Variants in CBL observed in about 807,000 individuals in gnomAD.
CBL encodes E3 ubiquitin-protein ligase CBL.
A neutral mutation model predicts 96.9 loss-of-function variants in CBL; 45 were observed. The ratio of observed to expected loss-of-function variants is 0.46; its 90% CI spans 0.37 to 0.60. The LOEUF (loss-of-function observed/expected upper bound fraction) is 0.60. Among genes scored for constraint, CBL ranks in the 20% least tolerant of loss-of-function variants. The pLI is 0.00. For synonymous variants in CBL, 420 were observed against 426.8 expected, an observed-to-expected ratio of 0.98 and a Z score of 0.20; for missense variants, 1,024 against 1,143.5, an observed-to-expected ratio of 0.90 and a Z score of 1.51.
rs564164317 is a variant in CBL, at chr11:119,296,443, T to C, written c.2037-475T>C. On this transcript the variant is annotated intron_variant, in intron 12 of 15. Transcript: ENST00000264033. ...ATCTAGCCTCAGAATTTACGCTAAC[T>C]GCGGTCGCTTTATCTCTCTCTATTT... Among the ~76,000 whole-genome samples the C allele has an allele frequency of 4.6e-5, 7 of 152,342 alleles. No homozygotes were observed. In the South Asian group the frequency reaches 1.2e-3, roughly 27 times the overall value.
intron 2 of CBL, among the ~76,000 whole-genome samples, chr11:119,233,565 T>C (rs1269946938): frequency 6.6e-6 from 1 of 152,176 alleles, no homozygotes; most frequent in East Asian, 1.9e-4. Flanking sequence ...CCAGAAACTA[T>C]AGGCTATCCT....
intron 2 of CBL, among the ~76,000 whole-genome samples, chr11:119,251,300 G>A (rs1034304033): frequency 6.6e-6 from 1 of 152,090 alleles, no homozygotes; most frequent in East Asian, 1.9e-4. Context: ...TGTGGACACC[G>A]AGGCTCAGAG....
intron 2 of CBL, among the ~76,000 whole-genome samples, chr11:119,267,258 A>G (rs1346676191): frequency 6.6e-6 from 1 of 152,052 alleles, no homozygotes; most frequent in African/African-American, 2.4e-5. Context: ...TCTTAAATTG[A>G]TTTCCCGTAA....
Position 119,276,096 on chromosome 11 carries a change from T to C in CBL, c.969T>C (p.Pro323=). The change falls in exon 6 of 16, where the codon CCT becomes CCC. Residue 323 remains proline, a synonymous_variant. Transcript: ENST00000264033. Reference sequence around the variant, plus strand: ...TCCAGACAATCCCTCACAATAAACCTCTCTTCCAAGCACTGATTGATGGCT... The same window carrying C: ...TCCAGACAATCCCTCACAATAAACCCCTCTTCCAAGCACTGATTGATGGCT... The part of the protein sequence containing the change: ...NILQTIPHNK[P]LFQALIDGFR... The C allele has an allele frequency of 6.2e-7, 1 of 1,614,000 alleles. No individual in the cohort carries two copies. Among genetic ancestry groups the C allele is most frequent in the Non-Finnish European group, 8.5e-7 (1 of 1,179,936 alleles).
At chr11:119,210,578 G>C (rs1032781688) in intron 1 of CBL, among the ~76,000 whole-genome samples, 54 of 148,384 alleles carry the variant, frequency 3.6e-4, no homozygotes, top group Middle Eastern at 3.5e-3. Context: ...ATAGGCATGC[G>C]CCACCACACC....
intron 2 of CBL, among the ~76,000 whole-genome samples, chr11:119,250,984 A>AT (rs1949665931): frequency 1.3e-5 from 2 of 152,036 alleles, no homozygotes; most frequent in African/African-American, 4.8e-5. Flanking sequence ...ATTTTGTCTA[A>AT]TTTTTTTAGT....
In CBL at chr11:119,274,893, C is replaced by CT; in HGVS notation, c.815dup (p.Leu272PhefsTer4). On this transcript the variant is annotated frameshift_variant, in exon 5 of 16. Coordinates refer to ENST00000264033, the MANE Select transcript of CBL (RefSeq NM_005188.4). LOFTEE classifies it high-confidence loss of function. Reference sequence around the variant, plus strand: ...GCTGTAACTCATCCTGGCTACATGGCTTTTTTGACGTATGACGAAGTGAAA... The same window carrying CT: ...GCTGTAACTCATCCTGGCTACATGGCTTTTTTTGACGTATGACGAAGTGAAA... The CT allele has an allele frequency of 6.2e-7, 1 of 1,613,990 alleles. No homozygotes were observed. The highest frequency in any genetic ancestry group is 8.5e-7 in the Non-Finnish European group (1 of 1,179,912).
intron 14 of CBL, 27 bp from the exon 15 acceptor site, chr11:119,298,331 A>AAG: frequency 1.2e-6 from 2 of 1,605,940 alleles, no homozygotes; most frequent in African/African-American, 1.3e-5. Context: ...GCGTCAGAAG[A>AAG]AGATAACATC....
At chr11:119,286,270 G>T (rs1395882985) in intron 11 of CBL, among the ~76,000 whole-genome samples, 2 of 152,132 alleles carry the variant, frequency 1.3e-5, no homozygotes, top group African/African-American at 4.8e-5. Flanking sequence ...TTGCACTCCA[G>T]CCTGGGCAAC....
chr11:119,224,189 C>T (rs1234589003), intron 1 of CBL, among the ~76,000 whole-genome samples: 1 of 152,138 alleles, frequency 6.6e-6, no homozygotes, highest in Non-Finnish European at 1.5e-5. Context: ...AATACTAATT[C>T]ATGAAATGTT....
At chr11:119,265,551 G>T (rs1227509176) in intron 2 of CBL, among the ~76,000 whole-genome samples, 1 of 152,128 alleles carries the variant, frequency 6.6e-6, no homozygotes, top group Non-Finnish European at 1.5e-5. Flanking sequence ...AGGAGTTGGA[G>T]ACCAGCCTGG....
chr11:119,257,317 T>G (rs760681549), intron 2 of CBL, among the ~76,000 whole-genome samples: 5 of 152,220 alleles, frequency 3.3e-5, no homozygotes, highest in Admixed American at 6.5e-5. Flanking sequence ...TGGGGTAAGG[T>G]GGTATCTCAT....
At chr11:119,225,049 GGTGTGTGTGT>G (rs143591231) in intron 1 of CBL, among the ~76,000 whole-genome samples, 2 of 148,974 alleles carry the variant, frequency 1.3e-5, no homozygotes, top group African/African-American at 4.9e-5. Flanking sequence ...AACTCTTTGG[GGTGTGTGTGT>G]GTGTGTGTGT....
At chr11:119,288,889 A>G (rs1484991937) in intron 12 of CBL, among the ~76,000 whole-genome samples, 1 of 152,206 alleles carries the variant, frequency 6.6e-6, no homozygotes, top group Non-Finnish European at 1.5e-5. Flanking sequence ...GGGGAACACA[A>G]ACAGATGTTT....
At chr11:119,234,004 T>C (rs767620476) in intron 2 of CBL, among the ~76,000 whole-genome samples, 13 of 152,080 alleles carry the variant, frequency 8.5e-5, no homozygotes, top group Non-Finnish European at 1.5e-4. Flanking sequence ...TTCTTTCTTT[T>C]GTTTTGTTTT....
intron 1 of CBL, among the ~76,000 whole-genome samples, chr11:119,210,637 C>T (rs1949309130): frequency 8.3e-6 from 1 of 120,924 alleles, no homozygotes; most frequent in Non-Finnish European, 1.6e-5. Flanking sequence ...TTACTAGAGA[C>T]GGATTTTCAC....
intron 1 of CBL, among the ~76,000 whole-genome samples, chr11:119,230,423 A>G (rs1045021359): frequency 6.6e-6 from 1 of 152,150 alleles, no homozygotes; most frequent in Non-Finnish European, 1.5e-5. Context: ...TACAAGCGTG[A>G]GCCACCGCGC....
At chr11:119,257,966 C>G (rs2135285439) in intron 2 of CBL, among the ~76,000 whole-genome samples, 1 of 152,236 alleles carries the variant, frequency 6.6e-6, no homozygotes, top group Middle Eastern at 3.4e-3. Flanking sequence ...GTGGCTCATG[C>G]CTGTAATCTC....
intron 2 of CBL, among the ~76,000 whole-genome samples, chr11:119,254,024 A>G (rs1043469973): frequency 7.2e-6 from 1 of 138,486 alleles, no homozygotes; most frequent in Non-Finnish European, 1.5e-5. Context: ...ACATACACTG[A>G]TTGATGAAAA....
Sources: gnomAD v4.1 joint callset for allele counts (sites outside exome capture counted in the v4.1 genomes callset) on GRCh38, gnomAD v4.1.1 for gene constraint, MANE v1.5 for transcripts, NCBI Gene and HGNC (gene_info 2026-07-23, HGNC 2026-07-21) for gene names.